The following DYM variants were observed in gnomAD, a reference collection of about 807,000 sequenced individuals.
DYM encodes the protein dymeclin.
DYM carries 78 observed loss-of-function variants against 93.1 expected under a neutral mutation model. The observed-to-expected ratio is 0.84, with a 90% confidence interval of 0.70 to 1.01. DYM has a LOEUF of 1.01. Among genes scored for constraint, DYM ranks in the 50% least tolerant of loss-of-function variants. DYM has a pLI of 0.00. For synonymous variants in DYM, 321 were observed against 319.7 expected, an observed-to-expected ratio of 1.00 and a Z score of -0.04; for missense variants, 789 against 845.0, an observed-to-expected ratio of 0.93 and a Z score of 0.82.
chr18:49,121,495 T>C (rs1274885621), intron 15 of DYM, among the ~76,000 whole-genome samples: 1 of 151,962 alleles, frequency 6.6e-6, no homozygotes, highest in Non-Finnish European at 1.5e-5. Context: ...AAAGAGATAA[T>C]GACTGAGCAT....
chr18:49,349,500 A>G (rs987808478), intron 6 of DYM, among the ~76,000 whole-genome samples: 2 of 152,236 alleles, frequency 1.3e-5, no homozygotes, highest in African/African-American at 4.8e-5. Context: ...CCAAAGTGCA[A>G]TTAGGTCAAC....
chr18:49,428,402 T>A (rs1450200212), intron 2 of DYM, among the ~76,000 whole-genome samples: 1 of 152,058 alleles, frequency 6.6e-6, no homozygotes, highest in African/African-American at 2.4e-5. Flanking sequence ...ATTAAATTAG[T>A]GGCTGGACGC....
chr18:49,423,188 A>G (rs1200183588), intron 2 of DYM, among the ~76,000 whole-genome samples: 1 of 152,196 alleles, frequency 6.6e-6, no homozygotes, highest in Admixed American at 6.5e-5. Flanking sequence ...AATTATAACA[A>G]ACTGTCTCTC....
intron 13 of DYM, among the ~76,000 whole-genome samples, chr18:49,255,294 C>G (rs1244959300): frequency 1.3e-5 from 2 of 152,146 alleles, no homozygotes; most frequent in African/African-American, 4.8e-5. Context: ...AGGAGGATCC[C>G]TTGAGCCCAG....
intron 14 of DYM, among the ~76,000 whole-genome samples, chr18:49,166,267 A>G (rs535882153): frequency 6.6e-6 from 1 of 152,312 alleles, no homozygotes; most frequent in South Asian, 2.1e-4. Flanking sequence ...AATATATACT[A>G]TGCTGTACCT....
intron 14 of DYM, among the ~76,000 whole-genome samples, chr18:49,174,906 C>T (rs139608759): frequency 2.0e-4 from 30 of 152,064 alleles, no homozygotes; most frequent in South Asian, 4.2e-4. Context: ...CTAACAAATA[C>T]GGAAAACATG....
intron 9 of DYM, among the ~76,000 whole-genome samples, chr18:49,282,538 G>A (rs573525925): frequency 2.0e-4 from 30 of 152,284 alleles, no homozygotes; most frequent in South Asian, 8.3e-4. Flanking sequence ...GCTTGAACCT[G>A]GGAGGTGGAG....
intron 2 of DYM, among the ~76,000 whole-genome samples, chr18:49,400,889 TTTAG>T (rs2070737331): frequency 6.6e-6 from 1 of 152,210 alleles, no homozygotes; most frequent in Non-Finnish European, 1.5e-5. Context: ...ACAATGCTGT[TTTAG>T]TTAAACAAAT....
At chr18:49,426,507 G>A (rs529573417) in intron 2 of DYM, among the ~76,000 whole-genome samples, 59 of 151,598 alleles carry the variant, frequency 3.9e-4, no homozygotes, top group African/African-American at 1.4e-3. Context: ...TAACAAACCT[G>A]CATGTTGTGC....
At position 49,295,453 on chromosome 18, in the gene DYM, A is replaced by G. The variant is rs150707591; in HGVS notation, c.764-8837T>C. On this transcript the variant is annotated intron_variant, in intron 8 of 17. Transcript: ENST00000675505. ...TGCAACTTTCAGGTCATATCCTTAA[A>G]AGGAAGCTATTTTCTCCTCACATCC... Among the ~76,000 whole-genome samples the G allele has an allele frequency of 4.0e-3, 611 of 152,320 alleles. 2 individuals are homozygous for G. Among genetic ancestry groups the G allele is most frequent in the Non-Finnish European group, 6.2e-3 (425 of 68,032 alleles).
At chr18:49,170,053 A>G (rs78873922) in intron 14 of DYM, among the ~76,000 whole-genome samples, 6,522 of 152,278 alleles carry the variant, frequency 0.043, 212 homozygotes, top group South Asian at 0.081. Flanking sequence ...AACAAGTTGA[A>G]AGGGAGGGAG....
chr18:49,378,639 A>G lies in DYM; in HGVS notation c.349T>C (p.Phe117Leu). Residue 117 changes from phenylalanine (F) to leucine (L), a missense_variant, in exon 5 of 18, where the codon TTC becomes CTC. Coordinates refer to ENST00000675505, the MANE Select transcript of DYM (RefSeq NM_001353214.3). ...LFIICCLLKVFICQMSEEELQ... is the reference protein window; with the variant it reads ...LFIICCLLKVLICQMSEEELQ... ...TCCTCCTCTGACATCTGACAGATGA[A>G]CACTTTCAGCAAACAGCAAATAATA... The G allele has an allele frequency of 6.2e-7, 1 of 1,613,188 alleles. No individual in the cohort carries two copies. The highest frequency in any genetic ancestry group is 8.5e-7 in the Non-Finnish European group (1 of 1,179,386).
At chr18:49,136,936 T>C (rs1211317985) in intron 15 of DYM, among the ~76,000 whole-genome samples, 3 of 152,152 alleles carry the variant, frequency 2.0e-5, no homozygotes, top group Non-Finnish European at 4.4e-5. Context: ...TAAAAGACAT[T>C]TTATGGTAAT....
At chr18:49,201,937 C>G (rs777279735) in intron 14 of DYM, among the ~76,000 whole-genome samples, 12 of 152,160 alleles carry the variant, frequency 7.9e-5, no homozygotes, top group Non-Finnish European at 1.6e-4. Context: ...CTGTTTGGCA[C>G]AGGACTAATC....
chr18:49,218,347 G>A (rs1238619028), intron 13 of DYM, among the ~76,000 whole-genome samples: 17 of 152,258 alleles, frequency 1.1e-4, no homozygotes, highest in East Asian at 1.9e-4. Context: ...ACAGATCAAC[G>A]AAACAGAAAG....
At chr18:49,053,763 C>T (rs900007274) in intron 17 of DYM, among the ~76,000 whole-genome samples, 2 of 152,206 alleles carry the variant, frequency 1.3e-5, no homozygotes, top group South Asian at 2.1e-4. Context: ...TCCTCCATAT[C>T]CTATTGCTGT....
chr18:49,170,816 T>TG (rs1280307737), intron 14 of DYM, among the ~76,000 whole-genome samples: 1 of 127,716 alleles, frequency 7.8e-6, no homozygotes, highest in African/African-American at 2.9e-5. Context: ...AAAGCAACTG[T>TG]GGGAAACACC....
At chr18:49,401,294 T>A (rs1273824221) in intron 2 of DYM, among the ~76,000 whole-genome samples, 1 of 152,192 alleles carries the variant, frequency 6.6e-6, no homozygotes, top group Non-Finnish European at 1.5e-5. Flanking sequence ...GGTGTGACTC[T>A]CCCTGAAGCA....
intron 14 of DYM, among the ~76,000 whole-genome samples, chr18:49,195,474 G>C (rs2091352631): frequency 6.6e-6 from 1 of 152,018 alleles, no homozygotes; most frequent in Admixed American, 6.5e-5. Flanking sequence ...TTACCCTTCA[G>C]TACCACAGAA....
Sources: allele counts gnomAD v4.1 joint callset (sites outside exome capture counted in the v4.1 genomes callset), GRCh38; gene constraint gnomAD v4.1.1; transcripts MANE v1.5; gene names NCBI Gene and HGNC (gene_info 2026-07-23, HGNC 2026-07-21).